Variants in TXLNB observed in about 807,000 individuals in gnomAD.
TXLNB encodes the protein beta-taxilin.
In TXLNB, 37 loss-of-function variants were observed where a neutral mutation model predicts 57.4. That is an observed-to-expected ratio of 0.64 (90% CI 0.50 to 0.85). The LOEUF is 0.85. Among genes scored for constraint, TXLNB ranks in the 40% least tolerant of loss-of-function variants. The pLI is 0.00. For synonymous variants in TXLNB, 302 were observed against 309.6 expected, an observed-to-expected ratio of 0.98 and a Z score of 0.26; for missense variants, 848 against 825.6, an observed-to-expected ratio of 1.03 and a Z score of -0.33.
the TXLNB span, among the ~76,000 whole-genome samples, chr6:139,171,667 T>C: frequency 6.6e-6 from 1 of 152,166 alleles, no homozygotes; most frequent in Non-Finnish European, 1.5e-5. Context: ...TCTGTCACCC[T>C]GGCTGGCTGG....
At chr6:139,225,176 G>A in the TXLNB span, among the ~76,000 whole-genome samples, 2 of 152,168 alleles carry the variant, frequency 1.3e-5, no homozygotes, top group Non-Finnish European at 2.9e-5. Flanking sequence ...AAAAGTGAAT[G>A]TCCTTAATCT....
chr6:139,249,647 C>T (rs745975068), intron 7 of TXLNB, among the ~76,000 whole-genome samples: 14 of 152,058 alleles, frequency 9.2e-5, no homozygotes, highest in African/African-American at 2.4e-4. Context: ...ATGTATGAGT[C>T]AAACAACCCC....
intron 2 of TXLNB, among the ~76,000 whole-genome samples, 193 bp downstream of exon 2, chr6:139,288,283 G>T (rs768950552): frequency 6.6e-6 from 1 of 152,168 alleles, no homozygotes; most frequent in African/African-American, 2.4e-5. Flanking sequence ...AAGGGTCAAT[G>T]GGTAACACAC....
chr6:139,182,662 A>T, the TXLNB span, among the ~76,000 whole-genome samples: 1 of 152,336 alleles, frequency 6.6e-6, no homozygotes, highest in South Asian at 2.1e-4. Flanking sequence ...TTACCTGCTG[A>T]ATGTGAACTA....
At chr6:139,229,878 A>G in the TXLNB span, among the ~76,000 whole-genome samples, 1 of 152,050 alleles carries the variant, frequency 6.6e-6, no homozygotes, top group African/African-American at 2.4e-5. Context: ...CTCCCACCCC[A>G]TCTTCCATTG....
At chr6:139,322,876 G>C in the TXLNB span, among the ~76,000 whole-genome samples, 1 of 152,068 alleles carries the variant, frequency 6.6e-6, no homozygotes. Context: ...TGTTGCATGG[G>C]GGCAGGCATT....
the TXLNB span, among the ~76,000 whole-genome samples, chr6:139,210,822 C>T: frequency 6.6e-6 from 1 of 152,240 alleles, no homozygotes; most frequent in Non-Finnish European, 1.5e-5. Context: ...AAACGGCACA[C>T]CAGGAGATTA....
upstream of TXLNB, among the ~76,000 whole-genome samples, chr6:139,292,678 C>T (rs1309083454): frequency 1.3e-5 from 2 of 152,200 alleles, no homozygotes; most frequent in Non-Finnish European, 2.9e-5. The surrounding 1 kb of genome is among the most constrained non-coding windows in gnomAD (Gnocchi z 4.0). Flanking sequence ...CCATCTCAAA[C>T]AAACCCTCAG....
rs113582932 is a variant in TXLNB at position 139,288,974 on chromosome 6, A to G, written c.-14-61T>C. On this transcript the variant is annotated intron_variant, in intron 1 of 9. Transcript: ENST00000358430. ...CCTACTTGCTACATATCAATGCTAC[A>G]TTTCAATGGTAAGGATATCCCCCAA... is the stretch of plus-strand genomic sequence containing the variant. 9.6e-5 allele frequency: 120 copies of G among 1,245,744 alleles called. No homozygotes were observed. In the African/African-American group the frequency reaches 1.4e-3, roughly 15 times the overall value. 77.2% of individuals were successfully genotyped at this position (1,245,744 alleles called of 1,614,324 possible). A position where few individuals can be genotyped will look rare whatever the true frequency, so the allele number is the denominator to read the frequency against.
At chr6:139,176,578 A>G in the TXLNB span, among the ~76,000 whole-genome samples, 1 of 152,186 alleles carries the variant, frequency 6.6e-6, no homozygotes, top group African/African-American at 2.4e-5. This position sits in a 1 kb window ranked among gnomAD's most constrained non-coding sequence, Gnocchi z 4.5. Flanking sequence ...TTTTCTATAG[A>G]GTAGAATGAA....
At chr6:139,184,103 C>T in the TXLNB span, among the ~76,000 whole-genome samples, 2 of 152,166 alleles carry the variant, frequency 1.3e-5, no homozygotes, top group South Asian at 2.1e-4. Context: ...GCAGACATGG[C>T]TGCTTATGTT....
At chr6:139,301,050 A>G in the TXLNB span, among the ~76,000 whole-genome samples, 2 of 152,330 alleles carry the variant, frequency 1.3e-5, no homozygotes, top group South Asian at 4.1e-4. Flanking sequence ...CAAACTGTAG[A>G]TGGATCCTGG....
At chr6:139,178,805 A>G in the TXLNB span, 1 of 152,094 alleles carries the variant, frequency 6.6e-6, no homozygotes, top group Non-Finnish European at 1.5e-5. Flanking sequence ...AGATCTCCTG[A>G]CCTTGTGATC....
At chr6:139,283,271 TA>T (rs561341851) in intron 2 of TXLNB, 9,883 of 96,422 alleles carry the variant, frequency 0.1, 1,447 homozygotes, top group African/African-American at 0.28. Flanking sequence ...AGGTGTTCTG[TA>T]AAAAAAAAAA....
intron 2 of TXLNB, chr6:139,283,301 G>T (rs1027136470): frequency 2.8e-5 from 4 of 143,014 alleles, no homozygotes; most frequent in Non-Finnish European, 6.2e-5. Flanking sequence ...CCTTGGCCAG[G>T]CGTGGTGGTT....
At chr6:139,198,779 A>C in the TXLNB span, among the ~76,000 whole-genome samples, 7 of 152,286 alleles carry the variant, frequency 4.6e-5, no homozygotes, top group African/African-American at 1.7e-4. Flanking sequence ...CCCAGGCTGC[A>C]GCTCTTGATG....
At chr6:139,302,322 A>G in the TXLNB span, among the ~76,000 whole-genome samples, 1 of 51,982 alleles carries the variant, frequency 1.9e-5, no homozygotes, top group Admixed American at 1.8e-4. Context: ...AGAGAGGAGA[A>G]AAAAAAAAAA....
the TXLNB span, among the ~76,000 whole-genome samples, chr6:139,224,291 T>C: frequency 1.8e-5 from 2 of 113,362 alleles, no homozygotes; most frequent in Non-Finnish European, 3.4e-5. Context: ...CTCTGGGGAC[T>C]ATTGTGGGGT....
At chr6:139,236,192 T>G (rs114353340), downstream of TXLNB, among the ~76,000 whole-genome samples, 217 of 152,228 alleles carry the variant, frequency 1.4e-3, no homozygotes, top group African/African-American at 4.6e-3. Context: ...CCTCTGTCCT[T>G]GTGATAAGTC....
Sources: gnomAD v4.1 joint callset for allele counts (sites outside exome capture counted in the v4.1 genomes callset) on GRCh38, gnomAD v4.1.1 for gene constraint, Gnocchi (gnomAD v3.1) non-coding constraint, MANE v1.5 for transcripts, NCBI Gene and HGNC (gene_info 2026-07-23, HGNC 2026-07-21) for gene names.